Variants in SDK1 observed in about 807,000 individuals in gnomAD.
SDK1 encodes the protein sidekick cell adhesion molecule 1.
In SDK1, 157 loss-of-function variants were observed where a neutral mutation model predicts 245.5. The observed-to-expected ratio is 0.64, with a 90% confidence interval of 0.56 to 0.73. SDK1 has a LOEUF of 0.73. Ranked by LOEUF, SDK1 falls within the 30% of genes least tolerant of loss-of-function variation. The pLI, the probability that SDK1 is intolerant of heterozygous loss-of-function variation, is 0.00. For missense variants in SDK1, 3,583 were observed against 3,002.3 expected, an observed-to-expected ratio of 1.19 and a Z score of -4.52; for synonymous variants, 1,647 against 1,278.5, an observed-to-expected ratio of 1.29 and a Z score of -6.15.
chr7:3,562,888 G>GGAAGCAAATACTTATATATGAAGA (rs11276131), intron 1 of SDK1, among the ~76,000 whole-genome samples: 1 of 151,672 alleles, frequency 6.6e-6, no homozygotes, highest in African/African-American at 2.4e-5. Flanking sequence ...AAATATGAAG[G>GGAAGCAAATACTTATATATGAAGA]GAAGCAAATA....
At chr7:3,311,095 G>C (rs1433583497) in intron 1 of SDK1, among the ~76,000 whole-genome samples, 3 of 152,052 alleles carry the variant, frequency 2.0e-5, no homozygotes, top group Non-Finnish European at 4.4e-5. Flanking sequence ...TAGTAGAGTG[G>C]GGAGTATGGA....
intron 5 of SDK1, among the ~76,000 whole-genome samples, chr7:3,858,545 A>G (rs551428936): frequency 6.6e-6 from 1 of 152,230 alleles, no homozygotes; most frequent in South Asian, 2.1e-4. Flanking sequence ...AATTTTCAAA[A>G]GGGTATTTGA....
intron 4 of SDK1, among the ~76,000 whole-genome samples, chr7:3,751,902 G>T (rs1779783957): frequency 6.6e-6 from 1 of 152,214 alleles, no homozygotes; most frequent in Middle Eastern, 3.4e-3. Context: ...AATTTGTGTG[G>T]TTATATCTAA....
In SDK1 at chr7:4,245,757, C is replaced by A. The variant is rs141125485; in HGVS notation, c.6333C>A (p.Thr2111=). 2 of 1,613,934 alleles carry A rather than the reference C, an allele frequency of 1.2e-6. No homozygotes were observed. Among genetic ancestry groups the A allele is most frequent in the Non-Finnish European group, 8.5e-7 (1 of 1,179,942 alleles). ...ICNKYNGAVL[T]ESVSLKEKSA... ...ACAAGTACAACGGCGCCGTGCTGAC[C>A]GAGAGCGTGAGCCTCAAGGAGAAGT... Residue 2111 remains threonine (T), a synonymous_variant, in exon 44 of 45, where the codon ACC becomes ACA. Transcript: ENST00000404826.
At chr7:3,490,505 C>T (rs765925846) in intron 1 of SDK1, among the ~76,000 whole-genome samples, 3 of 152,134 alleles carry the variant, frequency 2.0e-5, no homozygotes, top group Admixed American at 1.3e-4. Context: ...GATTACCATT[C>T]GTTTTCTTCT....
At chr7:3,783,105 A>G (rs143745989) in intron 4 of SDK1, among the ~76,000 whole-genome samples, 34 of 152,342 alleles carry the variant, frequency 2.2e-4, no homozygotes, top group African/African-American at 8.2e-4. Flanking sequence ...CATTAATGGA[A>G]TGAAGGACAA....
chr7:4,080,697 G>C (rs548281960), intron 22 of SDK1, among the ~76,000 whole-genome samples: 31 of 152,190 alleles, frequency 2.0e-4, no homozygotes, highest in African/African-American at 7.2e-4. Context: ...TCACACACCA[G>C]GGACTGTTGT....
chr7:3,886,689 A>G (rs1460881172), intron 5 of SDK1, among the ~76,000 whole-genome samples: 3 of 152,228 alleles, frequency 2.0e-5, no homozygotes, highest in African/African-American at 7.2e-5. Context: ...CTGGGGCAAG[A>G]GGATTACTTA....
At chr7:4,004,406 G>A (rs560613730) in intron 14 of SDK1, among the ~76,000 whole-genome samples, 1 of 152,206 alleles carries the variant, frequency 6.6e-6, no homozygotes, top group South Asian at 2.1e-4. Context: ...CTGTAACCTG[G>A]GGGAACTATC....
chr7:4,037,808 A>G (rs1320299742), intron 17 of SDK1, among the ~76,000 whole-genome samples: 1 of 152,208 alleles, frequency 6.6e-6, no homozygotes, highest in Non-Finnish European at 1.5e-5. Flanking sequence ...TGCGAATACA[A>G]CAATGGATTT....
chr7:3,927,472 G>A (rs1378074387), intron 5 of SDK1, among the ~76,000 whole-genome samples: 1 of 152,156 alleles, frequency 6.6e-6, no homozygotes, highest in Non-Finnish European at 1.5e-5. Context: ...GTAGTAAAGG[G>A]GAACTTGGAA....
At position 3,617,686 on chromosome 7, in the gene SDK1, G is replaced by A. The variant is rs373966840; in HGVS notation, c.299-1394G>A. On this transcript the variant is annotated intron_variant, in intron 1 of 44. Coordinates refer to ENST00000404826, the MANE Select transcript of SDK1 (RefSeq NM_152744.4). ...GGTCAAGGGAGTGCATGAGACAGAG[G>A]ATGGGGGCCCAACTTACCCTTTTTA... 2.0e-5 allele frequency among the ~76,000 whole-genome samples: 3 copies of A among 152,292 alleles called. No individual in the cohort carries two copies. The South Asian group carries it at 6.2e-4, about 32-fold the overall frequency.
At chr7:3,849,577 A>G (rs1468352064) in intron 5 of SDK1, among the ~76,000 whole-genome samples, 3 of 152,372 alleles carry the variant, frequency 2.0e-5, no homozygotes, top group African/African-American at 7.2e-5. Flanking sequence ...AGAATATTAC[A>G]AGGAAATACC....
intron 1 of SDK1, among the ~76,000 whole-genome samples, chr7:3,488,458 T>C (rs1781770550): frequency 6.6e-6 from 1 of 152,220 alleles, no homozygotes; most frequent in African/African-American, 2.4e-5. Flanking sequence ...ATTTTTGTCC[T>C]GAATTTCAGT....
intron 17 of SDK1, among the ~76,000 whole-genome samples, chr7:4,035,141 G>A (rs1338642612): frequency 1.3e-5 from 2 of 150,348 alleles, no homozygotes; most frequent in Non-Finnish European, 1.5e-5. Flanking sequence ...ACCATGCCCA[G>A]CTATTTTTTT....
intron 1 of SDK1, among the ~76,000 whole-genome samples, chr7:3,614,670 G>A (rs973125977): frequency 1.3e-5 from 2 of 152,146 alleles, no homozygotes; most frequent in African/African-American, 4.8e-5. Context: ...TTTACCTACT[G>A]TATGTATTTC....
At chr7:3,631,336 G>A (rs1198681464) in intron 2 of SDK1, among the ~76,000 whole-genome samples, 2 of 152,056 alleles carry the variant, frequency 1.3e-5, no homozygotes, top group African/African-American at 4.8e-5. Context: ...TTCTCAGTTG[G>A]TTTCCTCATC....
rs1785925023 is a variant in SDK1, at chr7:4,233,355, C to A, written c.5928C>A (p.Phe1976Leu). The A allele has an allele frequency of 3.7e-6, 6 of 1,613,860 alleles. No individual in the cohort carries two copies. Among genetic ancestry groups the A allele is most frequent in the Non-Finnish European group, 5.1e-6 (6 of 1,180,034 alleles). Residue 1976 changes from phenylalanine (F) to leucine (L), a missense_variant, in exon 41 of 45, where the codon TTC becomes TTA. Physicochemically the swap from Phe to Leu is conservative, Grantham distance 22. Coordinates refer to ENST00000404826, the MANE Select transcript of SDK1 (RefSeq NM_152744.4). Reference sequence around the variant, plus strand: ...TCCGGCAAGGAGTGACTTACGAGTTCCGGGTGGTGGCTGTGAATGAGGCGG... The same window carrying A: ...TCCGGCAAGGAGTGACTTACGAGTTACGGGTGGTGGCTGTGAATGAGGCGG... The part of the protein sequence containing the change: ...DKLRQGVTYE[F>L]RVVAVNEAGY...
At chr7:3,339,428 A>T (rs1396155890) in intron 1 of SDK1, among the ~76,000 whole-genome samples, 3 of 152,208 alleles carry the variant, frequency 2.0e-5, no homozygotes, top group Non-Finnish European at 1.5e-5. Context: ...GGACTTACAC[A>T]ATTGACCAAC....
Sources: allele counts gnomAD v4.1 joint callset (sites outside exome capture counted in the v4.1 genomes callset), GRCh38; gene constraint gnomAD v4.1.1; transcripts MANE v1.5; gene names NCBI Gene and HGNC (gene_info 2026-07-23, HGNC 2026-07-21).